Variants in GRHL1 observed in about 807,000 individuals in gnomAD.
GRHL1 encodes grainyhead-like protein 1 homolog.
A neutral mutation model predicts 75.7 loss-of-function variants in GRHL1; 38 were observed. The ratio of observed to expected loss-of-function variants is 0.50; its 90% CI spans 0.39 to 0.66. The LOEUF is 0.66. Ranked by LOEUF, GRHL1 falls within the 30% of genes least tolerant of loss-of-function variation. The pLI, the probability that GRHL1 is intolerant of heterozygous loss-of-function variation, is 0.00. For missense variants in GRHL1, 589 were observed against 767.5 expected, an observed-to-expected ratio of 0.77 and a Z score of 2.75; for synonymous variants, 266 against 279.4, an observed-to-expected ratio of 0.95 and a Z score of 0.48.
intron 1 of GRHL1, among the ~76,000 whole-genome samples, chr2:9,952,224 C>T (rs1412105511): frequency 6.6e-6 from 1 of 152,120 alleles, no homozygotes; most frequent in Non-Finnish European, 1.5e-5. Context: ...CTCCCCGCCC[C>T]CCTCTCCTGC....
intron 8 of GRHL1, among the ~76,000 whole-genome samples, chr2:9,984,306 T>TC (rs1227178059): frequency 6.6e-6 from 1 of 152,022 alleles, no homozygotes; most frequent in East Asian, 1.9e-4. Context: ...GAAGGAATCT[T>TC]CCCCTGTCAG....
At chr2:9,965,677 A>G in intron 8 of GRHL1, 1 of 375,318 alleles carries the variant, frequency 2.7e-6, no homozygotes. Context: ...CCTCATTTGC[A>G]CAGTGGAGGT....
intron 8 of GRHL1, among the ~76,000 whole-genome samples, chr2:9,980,787 G>A (rs1024124110): frequency 6.6e-6 from 1 of 152,344 alleles, no homozygotes; most frequent in Middle Eastern, 3.4e-3. Flanking sequence ...AGCCTACTCC[G>A]ATTCTGAAAT....
intron 9 of GRHL1, among the ~76,000 whole-genome samples, chr2:9,988,332 C>CCAG (rs200732658): frequency 0.026 from 4,004 of 152,330 alleles, 171 homozygotes; most frequent in African/African-American, 0.091. Flanking sequence ...TACAAGTTTT[C>CCAG]TCACATTACT....
At chr2:9,957,349 C>T (rs186257543) in intron 2 of GRHL1, among the ~76,000 whole-genome samples, 5 of 151,476 alleles carry the variant, frequency 3.3e-5, no homozygotes, top group African/African-American at 1.2e-4. Context: ...GTATAAGCAT[C>T]AGTCATTATT....
chr2:9,982,522 C>T (rs1338513186), intron 8 of GRHL1, among the ~76,000 whole-genome samples: 1 of 152,214 alleles, frequency 6.6e-6, no homozygotes, highest in Non-Finnish European at 1.5e-5. Flanking sequence ...CTAATTCAGT[C>T]AGAGTTGTGA....
Position 9,998,812 on chromosome 2 carries a change from A to G in GRHL1, c.1678-153A>G, listed in dbSNP as rs1305868915. Among the ~76,000 whole-genome samples, 3 of 54,320 alleles carry G rather than the reference A, an allele frequency of 5.5e-5. 1 individual carries two copies. The highest frequency in any genetic ancestry group is 9.2e-5 in the Non-Finnish European group (3 of 32,672). The allele number at this position is 54,320 out of a possible 152,430, so 35.6% of individuals were successfully genotyped here. On this transcript the variant is annotated intron_variant, in intron 14 of 15. Coordinates refer to ENST00000324907, the MANE Select transcript of GRHL1 (RefSeq NM_198182.3). ...TATATGTACACACATATATATACGT[A>G]TATATATGTACACATATATATATAC...
intron 2 of GRHL1, among the ~76,000 whole-genome samples, chr2:9,957,149 G>A (rs1299515773): frequency 1.3e-5 from 2 of 151,754 alleles, no homozygotes; most frequent in Non-Finnish European, 2.9e-5. Context: ...TATAGGTCAT[G>A]CCTGGCTAAT....
At chr2:9,984,437 C>G (rs1409109476) in intron 8 of GRHL1, among the ~76,000 whole-genome samples, 2 of 152,182 alleles carry the variant, frequency 1.3e-5, no homozygotes, top group African/African-American at 4.8e-5. Context: ...TGAAAGGGAG[C>G]TCAAAAACAT....
At chr2:10,000,449 A>G (rs189637677) in intron 15 of GRHL1, 144 bp from the exon 16 acceptor site, 1 of 610,934 alleles carries the variant, frequency 1.6e-6, no homozygotes, top group Admixed American at 2.6e-5. Flanking sequence ...CATTTTATAG[A>G]TGAGGAAGTT....
chr2:9,994,866 C>G (rs948854729), intron 12 of GRHL1, among the ~76,000 whole-genome samples: 1 of 152,208 alleles, frequency 6.6e-6, no homozygotes, highest in African/African-American at 2.4e-5. Context: ...TCTCCTTGGT[C>G]TGTTCTCACC....
rs1346910043 is a variant in GRHL1 at position 9,958,837 on chromosome 2, G to A, written c.259G>A (p.Glu87Lys). Residue 87 changes from glutamate to lysine, a missense_variant, in exon 3 of 16, where the codon GAG (glutamate) becomes AAG (lysine). This residue lies in a region of GRHL1 where 362 missense variants were observed against 461.8 expected (regional missense o/e 0.78). Coordinates refer to ENST00000324907, the MANE Select transcript of GRHL1 (RefSeq NM_198182.3). Reference sequence around the variant, plus strand: ...AGCAAAGCCAGAGGTGGAGCACCCTGAGCCAGATCACAGCAAAAGGTAACA... The same window carrying A: ...AGCAAAGCCAGAGGTGGAGCACCCTAAGCCAGATCACAGCAAAAGGTAACA... ...STAKPEVEHP[E>K]PDHSKRNSIP... 1.2e-6 allele frequency: 2 copies of A among 1,613,658 alleles called. No individual in the cohort carries two copies. Among genetic ancestry groups the A allele is most frequent in the Non-Finnish European group, 1.7e-6 (2 of 1,179,722 alleles).
Position 9,958,781 on chromosome 2 carries a change from A to G in GRHL1, c.208-5A>G. On this transcript the variant is annotated splice_polypyrimidine_tract_variant and splice_region_variant and intron_variant, in intron 2 of 15. Coordinates refer to ENST00000324907, the MANE Select transcript of GRHL1 (RefSeq NM_198182.3). ...CTAAATTCTTTTCATGTGTGCTAAT[A>G]TCAGGTTCCAAGAGAGAGAAGGTCA... The G allele has an allele frequency of 6.2e-7, 1 of 1,611,008 alleles. No homozygotes were observed. Among genetic ancestry groups the G allele is most frequent in the South Asian group, 1.1e-5 (1 of 91,014 alleles).
At chr2:9,955,181 G>A in intron 2 of GRHL1, 80 bp downstream of exon 2, 2 of 906,066 alleles carry the variant, frequency 2.2e-6, no homozygotes, top group Non-Finnish European at 3.4e-6. Flanking sequence ...GACATTTGCT[G>A]GTAGAATGCC....
chr2:9,996,235 G>A, intron 13 of GRHL1, 81 bp from the exon 14 acceptor site: 1 of 1,021,390 alleles, frequency 9.8e-7, no homozygotes, highest in Non-Finnish European at 1.6e-6. Context: ...ACCGTGGTCT[G>A]TTTTCCTCTT....
At chr2:9,979,210 C>A (rs1408312425) in intron 8 of GRHL1, among the ~76,000 whole-genome samples, 2 of 135,886 alleles carry the variant, frequency 1.5e-5, no homozygotes, top group East Asian at 4.5e-4. Context: ...TCATATTAGT[C>A]TTAATGGATC....
intron 9 of GRHL1, among the ~76,000 whole-genome samples, chr2:9,989,050 G>A (rs545315902): frequency 1.3e-5 from 2 of 152,108 alleles, no homozygotes; most frequent in Non-Finnish European, 2.9e-5. Context: ...ATGGCTAGGA[G>A]ATTGGGGATA....
rs1666946980 is a variant in GRHL1 at position 9,954,930 on chromosome 2, G to C, written c.36G>C (p.Leu12Phe). 6.2e-7 allele frequency: 1 copy of C among 1,612,294 alleles called. No homozygotes were observed. The highest frequency in any genetic ancestry group is 8.5e-7 in the Non-Finnish European group (1 of 1,178,604). The change falls in exon 2 of 16, where the codon TTG becomes TTC. Residue 12 changes from leucine (L) to phenylalanine (F), a missense_variant. Physicochemically the swap from Leu to Phe is conservative, Grantham distance 22. Transcript: ENST00000324907. Reference sequence around the variant, plus strand: ...TTCTCTGAAGCAAACGGCCAGTGTTGGTTCTTCAGAATGAAGCACTTTATC... The same window carrying C: ...TTCTCTGAAGCAAACGGCCAGTGTTCGTTCTTCAGAATGAAGCACTTTATC... ...TQEYDNKRPV[L>F]VLQNEALYPQ...
rs1313906350 is a variant in GRHL1, at chr2:10,001,179, A to G, written c.*472A>G. 2 of 152,938 alleles carry G rather than the reference A, an allele frequency of 1.3e-5. No individual in the cohort carries two copies. Among genetic ancestry groups the G allele is most frequent in the Non-Finnish European group, 2.9e-5 (2 of 68,272 alleles). 9.5% of individuals were successfully genotyped at this position (152,938 alleles called of 1,614,324 possible). On this transcript the variant is annotated 3_prime_UTR_variant, in exon 16 of 16. Transcript: ENST00000324907. ...CACTGCCTCACGTTAGCGGGAGCGC[A>G]CCTGAAGAGTACGGGGGGAGCCCTC...
Sources: gnomAD v4.1 joint callset for allele counts (sites outside exome capture counted in the v4.1 genomes callset) on GRCh38, gnomAD v4.1.1 for gene constraint, gnomAD v4.1.1 regional missense constraint, MANE v1.5 for transcripts, NCBI Gene and HGNC (gene_info 2026-07-23, HGNC 2026-07-21) for gene names.